Variants in JAK2 observed in about 807,000 individuals in gnomAD.
JAK2 encodes the protein Janus kinase 2, also known as tyrosine-protein kinase JAK2.
A neutral mutation model predicts 139.3 loss-of-function variants in JAK2; 86 were observed. The observed-to-expected ratio is 0.62, with a 90% CI of 0.52 to 0.74. The LOEUF (loss-of-function observed/expected upper bound fraction) is 0.74, where lower values mean the gene tolerates loss of function less well. Among genes scored for constraint, JAK2 ranks in the 30% least tolerant of loss-of-function variants. JAK2 has a pLI of 0.00. For synonymous variants in JAK2, 490 were observed against 437.7 expected, an observed-to-expected ratio of 1.12 and a Z score of -1.49; for missense variants, 1,421 against 1,360.3, an observed-to-expected ratio of 1.04 and a Z score of -0.70.
At chr9:5,007,261 A>T (rs183877554) in intron 2 of JAK2, among the ~76,000 whole-genome samples, 41 of 152,260 alleles carry the variant, frequency 2.7e-4, no homozygotes, top group African/African-American at 9.9e-4. Flanking sequence ...ATATCTTAGT[A>T]TACACTTTTA....
intron 4 of JAK2, among the ~76,000 whole-genome samples, chr9:5,034,316 A>T (rs962279715): frequency 1.3e-5 from 2 of 152,174 alleles, no homozygotes; most frequent in Non-Finnish European, 2.9e-5. Context: ...CCCACTGTCA[A>T]CATTAGACAG....
At chr9:5,022,916 A>G (rs1160823935) in intron 3 of JAK2, among the ~76,000 whole-genome samples, 2 of 152,242 alleles carry the variant, frequency 1.3e-5, no homozygotes, top group Non-Finnish European at 1.5e-5. Context: ...AATGTCTAAT[A>G]TAGTATTTAT....
At chr9:5,125,161 T>C (rs1490170169) in intron 23 of JAK2, among the ~76,000 whole-genome samples, 2 of 151,192 alleles carry the variant, frequency 1.3e-5, no homozygotes, top group Non-Finnish European at 3.0e-5. Context: ...CACCTCAATA[T>C]TGTGGTATGT....
chr9:5,114,774 G>A (rs116105239), intron 22 of JAK2: 14 of 319,684 alleles, frequency 4.4e-5, no homozygotes, highest in East Asian at 2.6e-4. Flanking sequence ...CTCACAGACC[G>A]TCAAGTAACT....
At chr9:5,077,688 T>TA in intron 15 of JAK2, 108 bp downstream of exon 15, 5 of 613,230 alleles carry the variant, frequency 8.2e-6, no homozygotes, top group Non-Finnish European at 1.3e-5. Context: ...GGATGCCAAT[T>TA]CATGTAAAAT....
Position 5,054,741 on chromosome 9 carries a change from T to C in JAK2, c.793T>C (p.Phe265Leu), listed in dbSNP as rs772336800. The change falls in exon 7 of 25, where the codon TTC becomes CTC. Residue 265 changes from phenylalanine (F) to leucine (L), a missense_variant. Phe to Leu is a conservative substitution (Grantham distance 22). Transcript: ENST00000381652. The surrounding 1 kb of genome is among the most constrained non-coding windows in gnomAD (Gnocchi z 4.9). ...LINLETLQSA[F>L]YTEKFEVKEP... ...AAATCTGGAAACTCTGCAGTCTGCC[T>C]TCTACACAGAGAAATTTGAAGTAAA... 6.2e-7 allele frequency: 1 copy of C among 1,613,344 alleles called. No individual in the cohort carries two copies. The highest frequency in any genetic ancestry group is 1.1e-5 in the South Asian group (1 of 91,048).
At position 5,127,172 on chromosome 9, in the gene JAK2, A is replaced by G. The variant is rs941103826; in HGVS notation, c.*381A>G. ...AATATGTATGTATAGTTTTTACCACAGTGGATGTATAATACCTTGGCATCT... is the reference window on the plus strand; with the variant it reads ...AATATGTATGTATAGTTTTTACCACGGTGGATGTATAATACCTTGGCATCT... On this transcript the variant is annotated 3_prime_UTR_variant, in exon 25 of 25. Transcript: ENST00000381652. 1 of 240,130 alleles carries G rather than the reference A, an allele frequency of 4.2e-6. No individual in the cohort carries two copies. The highest frequency in any genetic ancestry group is 2.2e-5 in the African/African-American group (1 of 45,342). The allele number at this position is 240,130 out of a possible 1,614,324, so 14.9% of individuals were successfully genotyped here. A position where few individuals can be genotyped will look rare whatever the true frequency, so the allele number is the denominator to read the frequency against.
At chr9:5,088,915 G>T (rs925254666) in intron 19 of JAK2, among the ~76,000 whole-genome samples, 1 of 152,164 alleles carries the variant, frequency 6.6e-6, no homozygotes, top group African/African-American at 2.4e-5. Flanking sequence ...GGGGGTTAAG[G>T]CTTCATTATA....
intron 3 of JAK2, among the ~76,000 whole-genome samples, chr9:5,025,796 T>C (rs1386547309): frequency 6.6e-6 from 1 of 152,164 alleles, no homozygotes; most frequent in East Asian, 1.9e-4. Context: ...CCTCTCAAAG[T>C]GTGTGAGCCA....
intron 22 of JAK2, among the ~76,000 whole-genome samples, chr9:5,115,096 T>C (rs1057008324): frequency 6.6e-5 from 10 of 152,226 alleles, no homozygotes; most frequent in East Asian, 3.9e-4. Flanking sequence ...AACAGCTGCA[T>C]AGCAAAAGAA....
chr9:5,000,312 T>G (rs1182552548), intron 2 of JAK2, among the ~76,000 whole-genome samples: 4 of 152,156 alleles, frequency 2.6e-5, no homozygotes, highest in Non-Finnish European at 5.9e-5. Flanking sequence ...TAGTTAGATA[T>G]AAAACATACC....
At chr9:5,092,900 AG>A (rs1820696282) in intron 22 of JAK2, among the ~76,000 whole-genome samples, 1 of 152,204 alleles carries the variant, frequency 6.6e-6, no homozygotes, top group South Asian at 2.1e-4. Context: ...AAAGAGGGAC[AG>A]CTCTTTAGAC....
rs188176896 is a variant in JAK2, at chr9:5,030,089, T to C, written c.350+183T>C. ...TCAGAGAAACTGTTTATACATGTTGTGTAAGTAGAATACTCTGAGAATAAA... is the reference window on the plus strand; with the variant it reads ...TCAGAGAAACTGTTTATACATGTTGCGTAAGTAGAATACTCTGAGAATAAA... On this transcript the variant is annotated intron_variant, in intron 4 of 24. Transcript: ENST00000381652. Among the ~76,000 whole-genome samples the C allele has an allele frequency of 5.7e-3, 873 of 152,340 alleles. 13 individuals are homozygous for C. The highest frequency in any genetic ancestry group is 0.02 in the African/African-American group (844 of 41,580).
intron 20 of JAK2, among the ~76,000 whole-genome samples, chr9:5,090,118 T>C (rs1364350261): frequency 6.6e-6 from 1 of 152,220 alleles, no homozygotes; most frequent in Non-Finnish European, 1.5e-5. Flanking sequence ...ATTGTTTTTG[T>C]TTACATTTTC....
At chr9:5,081,960 T>G in intron 19 of JAK2, 99 bp downstream of exon 19, 1 of 986,454 alleles carries the variant, frequency 1.0e-6, no homozygotes, top group Non-Finnish European at 1.5e-6. Flanking sequence ...TTTTAAGGAG[T>G]GCTTGTAGAA....
chr9:5,081,858 C>A lies in JAK2; in HGVS notation c.2568C>A (p.Gly856=). The change falls in exon 19 of 25, where the codon GGC becomes GGA. Residue 856 remains glycine, a synonymous_variant. Coordinates refer to ENST00000381652, the MANE Select transcript of JAK2 (RefSeq NM_004972.4). Reference sequence around the variant, plus strand: ...ATTTGAAATTTCTACAGCAACTTGGCAAGGTAAATTGTCAGAATTTTTTCA... The same window carrying A: ...ATTTGAAATTTCTACAGCAACTTGGAAAGGTAAATTGTCAGAATTTTTTCA... ...ERHLKFLQQL[G]KGNFGSVEMC... 2 of 1,611,696 alleles carry A rather than the reference C, an allele frequency of 1.2e-6. No homozygotes were observed. The highest frequency in any genetic ancestry group is 1.7e-6 in the Non-Finnish European group (2 of 1,178,678).
chr9:5,092,638 C>G (rs1227297218), intron 22 of JAK2, among the ~76,000 whole-genome samples: 2 of 152,134 alleles, frequency 1.3e-5, no homozygotes, highest in African/African-American at 4.8e-5. Context: ...AGCCCTTATA[C>G]CTTCTGCATA....
intron 8 of JAK2, among the ~76,000 whole-genome samples, chr9:5,063,308 A>G (rs1167793785): frequency 1.3e-5 from 2 of 152,200 alleles, no homozygotes; most frequent in Admixed American, 6.5e-5. Context: ...GGACTTCTCA[A>G]TACAAAATTT....
intron 23 of JAK2, among the ~76,000 whole-genome samples, chr9:5,124,807 GT>G (rs1050025621): frequency 6.6e-5 from 10 of 150,816 alleles, no homozygotes; most frequent in Admixed American, 2.7e-4. Context: ...ATACATTCAA[GT>G]TTTTTTTTAA....
Sources: gnomAD v4.1 joint callset for allele counts (sites outside exome capture counted in the v4.1 genomes callset) on GRCh38, gnomAD v4.1.1 for gene constraint, Gnocchi (gnomAD v3.1) non-coding constraint, MANE v1.5 for transcripts, NCBI Gene and HGNC (gene_info 2026-07-23, HGNC 2026-07-21) for gene names.